Variants in NBEAL1 observed in about 807,000 individuals in gnomAD.
The protein encoded by NBEAL1 is neurobeachin-like protein 1.
NBEAL1 carries 273 observed loss-of-function variants against 351.3 expected under a neutral mutation model. The ratio of observed to expected loss-of-function variants is 0.78; its 90% CI spans 0.70 to 0.86. The LOEUF is 0.86. Ranked by LOEUF, NBEAL1 falls within the 40% of genes least tolerant of loss-of-function variation. NBEAL1 has a pLI of 0.00. For missense variants in NBEAL1, 2,961 were observed against 3,201.3 expected, an observed-to-expected ratio of 0.92 and a Z score of 1.81; for synonymous variants, 1,050 against 1,086.4, an observed-to-expected ratio of 0.97 and a Z score of 0.66.
intron 46 of NBEAL1, chr2:203,191,318 T>TAAA: frequency 1.2e-5 from 5 of 425,996 alleles, no homozygotes; most frequent in Admixed American, 5.0e-5. Flanking sequence ...ATTTGACAAC[T>TAAA]GAAAAAAAAA....
chr2:203,077,698 T>A, intron 7 of NBEAL1, 54 bp from the exon 8 acceptor site: 1 of 1,067,220 alleles, frequency 9.4e-7, no homozygotes, highest in East Asian at 3.0e-5. Context: ...TAGAGATAAA[T>A]CATACTGTGA....
intron 2 of NBEAL1, among the ~76,000 whole-genome samples, chr2:203,033,953 C>G (rs900528298): frequency 7.9e-5 from 12 of 151,840 alleles, no homozygotes; most frequent in Non-Finnish European, 1.6e-4. Flanking sequence ...ACACATTTAC[C>G]CCCCCACCCT....
chr2:203,191,470 T>C (rs2065086599), intron 46 of NBEAL1: 1 of 497,948 alleles, frequency 2.0e-6, no homozygotes. Flanking sequence ...TAATGGAAAT[T>C]AATCTAATGG....
intron 2 of NBEAL1, among the ~76,000 whole-genome samples, chr2:203,029,691 CAAAA>C (rs11407531): frequency 9.9e-6 from 1 of 101,228 alleles, no homozygotes. Context: ...GACCCTGTCT[CAAAA>C]AAAAAAAAAA....
chr2:203,161,389 G>T (rs1263901282), intron 36 of NBEAL1, among the ~76,000 whole-genome samples: 3 of 150,562 alleles, frequency 2.0e-5, no homozygotes, highest in Non-Finnish European at 4.4e-5. Flanking sequence ...CCAGCAGTTT[G>T]GGAGGCCCAG....
intron 36 of NBEAL1, among the ~76,000 whole-genome samples, chr2:203,162,159 A>G (rs1559026151): frequency 1.3e-5 from 2 of 149,990 alleles, no homozygotes. Flanking sequence ...AAGTAGCTGG[A>G]ATTACAGGTG....
chr2:203,211,098 T>C lies in NBEAL1; in HGVS notation c.7926T>C (p.Asp2642=), dbSNP rs1405966978. ...TACAAGGATTCCTGTCTATAAGAGA[T>C]CTCCACAGGTAAATAATAAAAACTA... The part of the protein sequence containing the change: ...GSIQGFLSIR[D]LHSLNLSINP... Residue 2642 remains aspartate (D), a synonymous_variant, in exon 54 of 56, where the codon GAT becomes GAC. Transcript: ENST00000683969. 1 of 1,575,974 alleles carries C rather than the reference T, an allele frequency of 6.3e-7. No individual in the cohort carries two copies. Among genetic ancestry groups the C allele is most frequent in the South Asian group, 1.2e-5 (1 of 81,660 alleles).
chr2:203,180,473 G>T lies in NBEAL1; in HGVS notation c.6556G>T (p.Glu2186Ter). Residue 2186 changes from glutamate (E) to a stop codon, truncating the protein, a stop_gained, in exon 43 of 56, where the codon GAA becomes TAA. Coordinates refer to ENST00000683969, the MANE Select transcript of NBEAL1 (RefSeq NM_001378026.1). LOFTEE classifies it high-confidence loss of function. ...ATATGATGTTAAAGAACTTATTCCTGAATTCTTCTATTTCCCAGAGTTTTT... is the reference window on the plus strand; with the variant it reads ...ATATGATGTTAAAGAACTTATTCCTTAATTCTTCTATTTCCCAGAGTTTTT... ...NPYDVKELIP[E>*]FFYFPEFLEN... The T allele has an allele frequency of 6.2e-7, 1 of 1,611,450 alleles. No individual in the cohort carries two copies. The highest frequency in any genetic ancestry group is 1.1e-5 in the South Asian group (1 of 90,494).
rs2106230861 is a variant in NBEAL1 at position 203,107,424 on chromosome 2, T to C, written c.1274T>C (p.Val425Ala). The change falls in exon 13 of 56, where the codon GTA becomes GCA. Residue 425 changes from valine (V) to alanine (A), a missense_variant. Physicochemically the swap from Val to Ala is moderately conservative, Grantham distance 64. Coordinates refer to ENST00000683969, the MANE Select transcript of NBEAL1 (RefSeq NM_001378026.1). ...VMNKSPAAKE[V>A]FKERIGYTHM... Reference sequence around the variant, plus strand: ...TATTGTCTTCCCATCCCCTAGGAAGTATTTAAAGAAAGAATTGGTTATACA... The same window carrying C: ...TATTGTCTTCCCATCCCCTAGGAAGCATTTAAAGAAAGAATTGGTTATACA... 6.6e-7 allele frequency: 1 copy of C among 1,515,928 alleles called. No individual in the cohort carries two copies. Among genetic ancestry groups the C allele is most frequent in the East Asian group, 2.5e-5 (1 of 40,782 alleles). 93.9% of individuals were successfully genotyped at this position (1,515,928 alleles called of 1,614,324 possible).
intron 4 of NBEAL1, among the ~76,000 whole-genome samples, chr2:203,054,852 A>G (rs182926484): frequency 6.6e-6 from 1 of 152,144 alleles, no homozygotes; most frequent in Non-Finnish European, 1.5e-5. Flanking sequence ...ATCTATTTTC[A>G]TTTCACCTTT....
Position 203,129,602 on chromosome 2 carries a change from C to T in NBEAL1, c.3406-716C>T, listed in dbSNP as rs146352884. On this transcript the variant is annotated intron_variant, in intron 24 of 55. Transcript: ENST00000683969. ...ACTGTTTACACACAATAATATTAGA[C>T]ATTACATGTAATATAATGATGAATT... Among the ~76,000 whole-genome samples, 1,432 of 152,222 alleles carry T rather than the reference C, an allele frequency of 9.4e-3. 27 individuals carry two copies. The highest frequency in any genetic ancestry group is 0.033 in the African/African-American group (1,373 of 41,528).
At chr2:203,028,758 T>G (rs977011982) in intron 2 of NBEAL1, among the ~76,000 whole-genome samples, 7 of 152,124 alleles carry the variant, frequency 4.6e-5, no homozygotes, top group African/African-American at 1.7e-4. Flanking sequence ...GCCTGCTGTA[T>G]GCACATGTCC....
At chr2:203,202,821 T>G in intron 51 of NBEAL1, 40 bp downstream of exon 51, 1 of 1,151,934 alleles carries the variant, frequency 8.7e-7, no homozygotes, top group South Asian at 1.3e-5. Flanking sequence ...AGGTCAGAGA[T>G]TCACCCTGAG....
At chr2:203,054,330 G>A (rs1319913655) in intron 4 of NBEAL1, among the ~76,000 whole-genome samples, 1 of 151,864 alleles carries the variant, frequency 6.6e-6, no homozygotes, top group Non-Finnish European at 1.5e-5. Context: ...GGAGGCTGAG[G>A]TGGAAGAATC....
rs746337245 is a variant in NBEAL1 at position 203,183,246 on chromosome 2, T to A, written c.6596-33T>A. On this transcript the variant is annotated intron_variant, in intron 43 of 55. Transcript: ENST00000683969. Reference sequence around the variant, plus strand: ...TTACTTCGTTTATTATAATCTAAAATGATTTGATACATTTTCTTTTTACAT... The same window carrying A: ...TTACTTCGTTTATTATAATCTAAAAAGATTTGATACATTTTCTTTTTACAT... 5 of 1,160,910 alleles carry A rather than the reference T, an allele frequency of 4.3e-6. No homozygotes were observed. In the South Asian group the frequency reaches 6.9e-5, roughly 16 times the overall value. The allele number at this position is 1,160,910 out of a possible 1,614,324, so 71.9% of individuals were successfully genotyped here.
At chr2:203,204,264 A>G (rs560164856) in intron 51 of NBEAL1, among the ~76,000 whole-genome samples, 4 of 142,412 alleles carry the variant, frequency 2.8e-5, no homozygotes, top group South Asian at 2.2e-4. Flanking sequence ...AAACAACTCC[A>G]TTTTAGTCTT....
intron 44 of NBEAL1, among the ~76,000 whole-genome samples, chr2:203,184,756 T>C (rs1450817177): frequency 6.6e-6 from 1 of 151,778 alleles, no homozygotes; most frequent in African/African-American, 2.4e-5. Context: ...TTAGAAAAAA[T>C]TTAGAAAAGC....
intron 2 of NBEAL1, among the ~76,000 whole-genome samples, chr2:203,019,119 A>C (rs1461398997): frequency 6.6e-6 from 1 of 152,170 alleles, no homozygotes; most frequent in Non-Finnish European, 1.5e-5. Flanking sequence ...CGTTTTGCTC[A>C]TTGAATTCCC....
chr2:203,076,566 G>C lies in NBEAL1; in HGVS notation c.599-1186G>C, dbSNP rs896500634. The stretch of plus-strand genomic sequence containing the variant: ...TAAAAAGCAAAAAAAGTATGATGCA[G>C]GAGTACATATATGTACTATGTACTT... On this transcript the variant is annotated intron_variant, in intron 7 of 55. Coordinates refer to ENST00000683969, the MANE Select transcript of NBEAL1 (RefSeq NM_001378026.1). Among the ~76,000 whole-genome samples, 4 of 148,764 alleles carry C rather than the reference G, an allele frequency of 2.7e-5. 1 individual carries two copies. The highest frequency in any genetic ancestry group is 9.8e-5 in the African/African-American group (4 of 40,764).
Sources: gnomAD v4.1 joint callset for allele counts (sites outside exome capture counted in the v4.1 genomes callset) on GRCh38, gnomAD v4.1.1 for gene constraint, MANE v1.5 for transcripts, NCBI Gene and HGNC (gene_info 2026-07-23, HGNC 2026-07-21) for gene names.